The following TMEM167B variants were observed in gnomAD, a reference collection of about 807,000 sequenced individuals.
The protein encoded by TMEM167B is transmembrane protein 167B, also known as protein kish-B.
In TMEM167B, 2 loss-of-function variants were observed where a neutral mutation model predicts 9.4. The ratio of observed to expected loss-of-function variants is 0.21; its 90% CI spans 0.09 to 0.67. The LOEUF (loss-of-function observed/expected upper bound fraction) is 0.67, where lower values mean the gene tolerates loss of function less well. TMEM167B is among the 30% of genes least tolerant of loss of function. The pLI is 0.82. For missense variants in TMEM167B, 68 were observed against 87.6 expected (o/e 0.78, Z 0.89); for synonymous variants, 28 against 32.0 (o/e 0.87, Z 0.42).
chr1:109,091,168 C>CA lies in TMEM167B; in HGVS notation c.10+287dup, dbSNP rs546053545. On this transcript the variant is annotated intron_variant, in intron 1 of 2. Coordinates refer to ENST00000338272, the MANE Select transcript of TMEM167B (RefSeq NM_020141.4). ...AGTTCTTTCTGGCCCTTGGAGAGGT[C>CA]AGTCCCAGAGGTACTACTGCTATTT... Among the ~76,000 whole-genome samples, 766 of 152,260 alleles carry CA rather than the reference C, an allele frequency of 5.0e-3. 7 individuals are homozygous for CA. The highest frequency in any genetic ancestry group is 0.017 in the African/African-American group (704 of 41,514).
At chr1:109,093,253 G>C (rs1664491937) in intron 2 of TMEM167B, 1 of 496,810 alleles carries the variant, frequency 2.0e-6, no homozygotes, top group African/African-American at 1.9e-5. Flanking sequence ...GCACTTTGGG[G>C]GGCCAAGGCA....
In TMEM167B at chr1:109,094,462, G is replaced by C. The variant is rs1664521694; in HGVS notation, c.188G>C (p.Cys63Ser). ...CTGCATGCTGCTGTGGCAATTGCTT[G>C]TGTTGTAATGGCCTTTTACGTCCTG... ...TRLHAAVAIA[C>S]VVMAFYVLFI... is the part of the protein sequence containing the mutation. The change falls in exon 3 of 3, where the codon TGT becomes TCT. Residue 63 changes from cysteine to serine, a missense_variant. Coordinates refer to ENST00000338272, the MANE Select transcript of TMEM167B (RefSeq NM_020141.4). 6.2e-7 allele frequency: 1 copy of C among 1,613,948 alleles called. No individual in the cohort carries two copies. The highest frequency in any genetic ancestry group is 8.5e-7 in the Non-Finnish European group (1 of 1,180,032).
At position 109,094,259 on chromosome 1, in the gene TMEM167B, G is replaced by A. The variant is rs183848607; in HGVS notation, c.143-158G>A. Among the ~76,000 whole-genome samples the A allele has an allele frequency of 3.6e-3, 543 of 152,272 alleles. 6 individuals are homozygous for A. Among genetic ancestry groups the A allele is most frequent in the East Asian group, 0.016 (83 of 5,174 alleles). On this transcript the variant is annotated intron_variant, in intron 2 of 2. Coordinates refer to ENST00000338272, the MANE Select transcript of TMEM167B (RefSeq NM_020141.4). ...CGCGCCACTGCACTCCAGCCTGGCC[G>A]ACAGAGTGAGACTGCCTCCAAAAAT...
In TMEM167B at chr1:109,092,900, G is replaced by A. The variant is rs770948025; in HGVS notation, c.21G>A (p.Leu7=). 12 of 1,613,954 alleles carry A rather than the reference G, an allele frequency of 7.4e-6. No homozygotes were observed. In the Admixed American group the frequency reaches 1.0e-4, roughly 13 times the overall value. The part of the protein sequence containing the change: MTNVYS[L]DGILVFGLLF... ...TTCTTTATTTAACAGTGTACTCCTTGGATGGGATTCTGGTGTTTGGTTTGC... is the reference window on the plus strand; with the variant it reads ...TTCTTTATTTAACAGTGTACTCCTTAGATGGGATTCTGGTGTTTGGTTTGC... Residue 7 remains leucine (L), a synonymous_variant, in exon 2 of 3, where the codon TTG becomes TTA. Coordinates refer to ENST00000338272, the MANE Select transcript of TMEM167B (RefSeq NM_020141.4).
rs545347480 is a variant in TMEM167B, at chr1:109,095,623, C to T, written c.*1124C>T. On this transcript the variant is annotated 3_prime_UTR_variant, in exon 3 of 3. Transcript: ENST00000338272. ...ATATTGCATTGCTCTTTAGTTGTCTCTGGAAATTCTATTTACTTTAAGGAC... is the reference window on the plus strand; with the variant it reads ...ATATTGCATTGCTCTTTAGTTGTCTTTGGAAATTCTATTTACTTTAAGGAC... 1 of 152,196 alleles carries T rather than the reference C, an allele frequency of 6.6e-6. No homozygotes were observed. The highest frequency in any genetic ancestry group is 1.9e-4 in the East Asian group (1 of 5,192). The allele number at this position is 152,196 out of a possible 1,614,324, so 9.4% of individuals were successfully genotyped here. A position where few individuals can be genotyped will look rare whatever the true frequency, so the allele number is the denominator to read the frequency against.
Position 109,095,728 on chromosome 1 carries a change from G to A in TMEM167B, c.*1229G>A, listed in dbSNP as rs1055417947. Reference sequence around the variant, plus strand: ...TCATAGGGTCCACAAATCAAATGAGGTTGTTTCCTGAAGTAGAAGAAAACA... The same window carrying A: ...TCATAGGGTCCACAAATCAAATGAGATTGTTTCCTGAAGTAGAAGAAAACA... On this transcript the variant is annotated 3_prime_UTR_variant, in exon 3 of 3. Coordinates refer to ENST00000338272, the MANE Select transcript of TMEM167B (RefSeq NM_020141.4). 3.9e-5 allele frequency: 6 copies of A among 152,146 alleles called. No individual in the cohort carries two copies. The highest frequency in any genetic ancestry group is 1.4e-4 in the African/African-American group (6 of 41,422). 9.4% of individuals were successfully genotyped at this position (152,146 alleles called of 1,614,324 possible). A position where few individuals can be genotyped will look rare whatever the true frequency, so the allele number is the denominator to read the frequency against.
rs1472053795 is a variant in TMEM167B at position 109,095,605 on chromosome 1, A to G, written c.*1106A>G. Reference sequence around the variant, plus strand: ...CAAATTTTAATTTTCTTCATATTGCATTGCTCTTTAGTTGTCTCTGGAAAT... The same window carrying G: ...CAAATTTTAATTTTCTTCATATTGCGTTGCTCTTTAGTTGTCTCTGGAAAT... On this transcript the variant is annotated 3_prime_UTR_variant, in exon 3 of 3. Coordinates refer to ENST00000338272, the MANE Select transcript of TMEM167B (RefSeq NM_020141.4). 2 of 152,282 alleles carry G rather than the reference A, an allele frequency of 1.3e-5. No homozygotes were observed. Among genetic ancestry groups the G allele is most frequent in the East Asian group, 3.9e-4 (2 of 5,194 alleles). 9.4% of individuals were successfully genotyped at this position (152,282 alleles called of 1,614,324 possible).
At chr1:109,091,165 G>C (rs368480779) in intron 1 of TMEM167B, among the ~76,000 whole-genome samples, 1 of 152,062 alleles carries the variant, frequency 6.6e-6, no homozygotes, top group East Asian at 1.9e-4. Flanking sequence ...CCCTTGGAGA[G>C]GTCAGTCCCA....
intron 1 of TMEM167B, among the ~76,000 whole-genome samples, chr1:109,091,101 A>C (rs1432076763): frequency 6.6e-6 from 1 of 151,868 alleles, no homozygotes; most frequent in Admixed American, 6.6e-5. Flanking sequence ...TCACACCTCG[A>C]GTTATCTATC....
At position 109,093,137 on chromosome 1, in the gene TMEM167B, C is replaced by T. The variant is rs113781675; in HGVS notation, c.142+116C>T. The T allele has an allele frequency of 3.7e-3, 5,230 of 1,402,968 alleles. 145 individuals carry two copies. In the African/African-American group the frequency reaches 0.062, roughly 17 times the overall value. 86.9% of individuals were successfully genotyped at this position (1,402,968 alleles called of 1,614,324 possible). On this transcript the variant is annotated intron_variant, in intron 2 of 2. Transcript: ENST00000338272. The stretch of plus-strand genomic sequence containing the variant: ...TTGGTTTCATTTTTAGAAAAAAATC[C>T]CTCCGATTGGGTCTGAGAGTCTGGA...
In TMEM167B at chr1:109,090,845, C is replaced by T. The variant is rs752967451; in HGVS notation, c.-28C>T. On this transcript the variant is annotated 5_prime_UTR_variant, in exon 1 of 3. Transcript: ENST00000338272. ...GCCGCTATTACCACTGAACCCGGAC[C>T]CCCTACCCAGGTCCAGGGCCAGCCG... The T allele has an allele frequency of 2.5e-5, 40 of 1,584,466 alleles. No homozygotes were observed. The highest frequency in any genetic ancestry group is 3.0e-5 in the Non-Finnish European group (35 of 1,165,190).
At chr1:109,091,340 GCTT>G (rs1664445722) in intron 1 of TMEM167B, among the ~76,000 whole-genome samples, 1 of 152,142 alleles carries the variant, frequency 6.6e-6, no homozygotes, top group African/African-American at 2.4e-5. Context: ...CCCCACAAAA[GCTT>G]CTTCTTACGG....
intron 1 of TMEM167B, among the ~76,000 whole-genome samples, chr1:109,091,269 G>C (rs1664443813): frequency 6.6e-6 from 1 of 152,182 alleles, no homozygotes; most frequent in African/African-American, 2.4e-5. Flanking sequence ...TTTGTTGAGA[G>C]GGCCAATAAA....
chr1:109,093,556 C>T (rs942367635), intron 2 of TMEM167B: 1 of 152,886 alleles, frequency 6.5e-6, no homozygotes, highest in African/African-American at 2.4e-5. Flanking sequence ...TTTTTGTATT[C>T]TCCATGGAGT....
rs1664429447 is a variant in TMEM167B, at chr1:109,090,832, A to G, written c.-41A>G. ...CTCCCCCATCTCCGCCGCTATTACC[A>G]CTGAACCCGGACCCCCTACCCAGGT... is the stretch of plus-strand genomic sequence containing the variant. On this transcript the variant is annotated 5_prime_UTR_variant, in exon 1 of 3. Transcript: ENST00000338272. 6 of 1,576,794 alleles carry G rather than the reference A, an allele frequency of 3.8e-6. No homozygotes were observed. The highest frequency in any genetic ancestry group is 2.3e-5 in the East Asian group (1 of 42,616).
In TMEM167B at chr1:109,092,905, G is replaced by A; in HGVS notation, c.26G>A (p.Gly9Glu). MTNVYSLD[G>E]ILVFGLLFVC... ...TATTTAACAGTGTACTCCTTGGATGGGATTCTGGTGTTTGGTTTGCTCTTT... is the reference window on the plus strand; with the variant it reads ...TATTTAACAGTGTACTCCTTGGATGAGATTCTGGTGTTTGGTTTGCTCTTT... The change falls in exon 2 of 3, where the codon GGG becomes GAG. Residue 9 changes from glycine to glutamate, a missense_variant. Physicochemically the swap from Gly to Glu is moderately conservative, Grantham distance 98. Coordinates refer to ENST00000338272, the MANE Select transcript of TMEM167B (RefSeq NM_020141.4). 6.2e-7 allele frequency: 1 copy of A among 1,614,056 alleles called. No homozygotes were observed. The highest frequency in any genetic ancestry group is 8.5e-7 in the Non-Finnish European group (1 of 1,179,988).
At chr1:109,091,012 C>G in intron 1 of TMEM167B, 130 bp downstream of exon 1, 1 of 1,118,840 alleles carries the variant, frequency 8.9e-7, no homozygotes, top group Non-Finnish European at 1.3e-6. Context: ...CTCTCGACGC[C>G]CCTAACTTCT....
intron 2 of TMEM167B, chr1:109,093,418 G>T: frequency 5.8e-6 from 1 of 173,562 alleles, no homozygotes; most frequent in South Asian, 1.2e-4. Flanking sequence ...CTTGAGCCTA[G>T]GAGGTTGAGG....
chr1:109,095,776 G>A lies in TMEM167B; in HGVS notation c.*1277G>A, dbSNP rs527470813. ...ACAGAACTTTGCAATTGATACTGAA[G>A]TACTTTGCCATGGAGTTAGTAACTC... On this transcript the variant is annotated 3_prime_UTR_variant, in exon 3 of 3. Coordinates refer to ENST00000338272, the MANE Select transcript of TMEM167B (RefSeq NM_020141.4). The A allele has an allele frequency of 6.6e-6, 1 of 152,254 alleles. No homozygotes were observed. The highest frequency in any genetic ancestry group is 2.1e-4 in the South Asian group (1 of 4,816). 9.4% of individuals were successfully genotyped at this position (152,254 alleles called of 1,614,324 possible). A position where few individuals can be genotyped will look rare whatever the true frequency, so the allele number is the denominator to read the frequency against.
Sources: gnomAD v4.1 joint callset for allele counts (sites outside exome capture counted in the v4.1 genomes callset) on GRCh38, gnomAD v4.1.1 for gene constraint, MANE v1.5 for transcripts, NCBI Gene and HGNC (gene_info 2026-07-23, HGNC 2026-07-21) for gene names.